Variants in CSMD3 observed in about 807,000 individuals in gnomAD.
The protein encoded by CSMD3 is CUB and Sushi multiple domains 3.
Under a neutral mutation model 435.2 loss-of-function variants are expected in CSMD3, and 177 were observed. The observed-to-expected ratio is 0.41, with a 90% CI of 0.36 to 0.46. The LOEUF (loss-of-function observed/expected upper bound fraction) is 0.46. Ranked by LOEUF, CSMD3 falls within the 20% of genes least tolerant of loss-of-function variation. CSMD3 has a pLI of 0.34. For missense variants in CSMD3, 4,265 were observed against 4,504.6 expected, an observed-to-expected ratio of 0.95 and a Z score of 1.52; for synonymous variants, 1,656 against 1,520.5, an observed-to-expected ratio of 1.09 and a Z score of -2.07.
intron 13 of CSMD3, among the ~76,000 whole-genome samples, chr8:112,693,691 T>C (rs2076189068): frequency 6.6e-6 from 1 of 151,962 alleles, no homozygotes. Context: ...GTAACTTTTT[T>C]TTCAGTTCTA....
At chr8:112,386,545 T>TGC (rs1829970861) in intron 36 of CSMD3, among the ~76,000 whole-genome samples, 1 of 152,088 alleles carries the variant, frequency 6.6e-6, no homozygotes, top group Non-Finnish European at 1.5e-5. Flanking sequence ...TCGCCCAGGA[T>TGC]GGAGTGCAGT....
At chr8:113,121,066 C>G (rs2090971551) in intron 4 of CSMD3, among the ~76,000 whole-genome samples, 1 of 152,096 alleles carries the variant, frequency 6.6e-6, no homozygotes, top group Non-Finnish European at 1.5e-5. Flanking sequence ...TTATACAGTG[C>G]TAACATTTGC....
At chr8:112,762,687 A>T (rs1260167280) in intron 13 of CSMD3, among the ~76,000 whole-genome samples, 13 of 152,090 alleles carry the variant, frequency 8.5e-5, no homozygotes, top group Middle Eastern at 3.4e-3. Context: ...GGTTTCTGTT[A>T]ATGACATAGG....
chr8:112,355,028 G>C (rs1235926765), intron 38 of CSMD3, among the ~76,000 whole-genome samples: 2 of 152,180 alleles, frequency 1.3e-5, no homozygotes, highest in Non-Finnish European at 2.9e-5. Flanking sequence ...GAGTGGAATA[G>C]AGAACTAAGA....
chr8:112,675,208 T>A (rs2131744819), intron 16 of CSMD3, among the ~76,000 whole-genome samples: 1 of 152,252 alleles, frequency 6.6e-6, no homozygotes, highest in Non-Finnish European at 1.5e-5. Flanking sequence ...GTTTTCCTTG[T>A]CAGGAGGGCT....
rs555345259 is a variant in CSMD3, at chr8:112,682,695, C to A, written c.2483-59G>T. ...CAAACAACATTAGCCAGAGAGAGATCCTTCTATATTTTGGAAAAGAGAGAG... is the reference window on the plus strand; with the variant it reads ...CAAACAACATTAGCCAGAGAGAGATACTTCTATATTTTGGAAAAGAGAGAG... On this transcript the variant is annotated intron_variant, in intron 15 of 70. Coordinates refer to ENST00000297405, the MANE Select transcript of CSMD3 (RefSeq NM_198123.2). 46 of 1,156,558 alleles carry A rather than the reference C, an allele frequency of 4.0e-5. No individual in the cohort carries two copies. The South Asian group carries it at 5.5e-4, about 14-fold the overall frequency. 71.6% of individuals were successfully genotyped at this position (1,156,558 alleles called of 1,614,324 possible).
intron 31 of CSMD3, among the ~76,000 whole-genome samples, chr8:112,491,232 TA>T (rs1263979320): frequency 6.6e-6 from 1 of 152,174 alleles, no homozygotes; most frequent in Non-Finnish European, 1.5e-5. Context: ...AAATTAATAG[TA>T]AAAAATGCAA....
chr8:113,326,063 G>A (rs540121911), intron 1 of CSMD3, among the ~76,000 whole-genome samples: 2 of 152,264 alleles, frequency 1.3e-5, no homozygotes, highest in East Asian at 3.9e-4. Flanking sequence ...GAGGGATTAT[G>A]TGTATATTTC....
At chr8:112,582,766 C>A (rs201006245) in intron 23 of CSMD3, among the ~76,000 whole-genome samples, 1 of 151,860 alleles carries the variant, frequency 6.6e-6, no homozygotes, top group Non-Finnish European at 1.5e-5. Flanking sequence ...GGAAGTGAGG[C>A]CTTTGGGAGG....
At chr8:113,006,251 T>C (rs764458719) in intron 6 of CSMD3, among the ~76,000 whole-genome samples, 16 of 152,056 alleles carry the variant, frequency 1.1e-4, no homozygotes, top group Non-Finnish European at 1.8e-4. Context: ...AAACAAGTCC[T>C]TTACTCTTGA....
At chr8:112,930,528 C>G (rs2083071924) in intron 9 of CSMD3, among the ~76,000 whole-genome samples, 1 of 152,000 alleles carries the variant, frequency 6.6e-6, no homozygotes, top group Non-Finnish European at 1.5e-5. Context: ...CATAGATGAA[C>G]TGAGCTTTGT....
chr8:113,050,973 C>T (rs1410777454), intron 5 of CSMD3, among the ~76,000 whole-genome samples: 1 of 152,002 alleles, frequency 6.6e-6, no homozygotes, highest in African/African-American at 2.4e-5. Flanking sequence ...AGTGACATAA[C>T]ATTTGGTGGG....
chr8:113,103,474 T>C (rs1588079264), intron 4 of CSMD3, among the ~76,000 whole-genome samples: 1 of 152,088 alleles, frequency 6.6e-6, no homozygotes, highest in Admixed American at 6.6e-5. Context: ...AAACCACAAA[T>C]TCAGCTAATG....
At chr8:112,242,677 A>T (rs1050115861) in intron 65 of CSMD3, among the ~76,000 whole-genome samples, 1 of 152,152 alleles carries the variant, frequency 6.6e-6, no homozygotes, top group South Asian at 2.1e-4. Flanking sequence ...GATAGGGAAT[A>T]CCAAAGGGAA....
intron 11 of CSMD3, 31 bp downstream of exon 11, chr8:112,859,114 T>A (rs2080751335): frequency 6.3e-7 from 1 of 1,599,172 alleles, no homozygotes. Flanking sequence ...ATTATGACTT[T>A]TTTTTTAAAT....
intron 12 of CSMD3, among the ~76,000 whole-genome samples, chr8:112,823,976 A>C (rs551731775): frequency 6.6e-6 from 1 of 152,244 alleles, no homozygotes; most frequent in African/African-American, 2.4e-5. Context: ...GTAGGTCTCT[A>C]AGAATTTGTT....
chr8:113,037,192 G>A (rs189743261), intron 5 of CSMD3, among the ~76,000 whole-genome samples: 4 of 152,056 alleles, frequency 2.6e-5, no homozygotes, highest in Admixed American at 2.6e-4. Context: ...ACAATTTGTA[G>A]TGACATAATC....
intron 3 of CSMD3, among the ~76,000 whole-genome samples, chr8:113,270,069 C>A (rs1466934071): frequency 1.3e-5 from 2 of 151,858 alleles, no homozygotes; most frequent in South Asian, 4.2e-4. Context: ...ACTCATCTGA[C>A]AAAGGGCTAA....
At chr8:112,935,711 A>T (rs1440719607) in intron 9 of CSMD3, among the ~76,000 whole-genome samples, 2 of 152,084 alleles carry the variant, frequency 1.3e-5, no homozygotes, top group African/African-American at 4.8e-5. Context: ...TTATGAAAAA[A>T]AAAACAGGTT....
Sources: gnomAD v4.1 joint callset for allele counts (sites outside exome capture counted in the v4.1 genomes callset) on GRCh38, gnomAD v4.1.1 for gene constraint, MANE v1.5 for transcripts, NCBI Gene and HGNC (gene_info 2026-07-23, HGNC 2026-07-21) for gene names.